Variants in TCF4 observed in about 807,000 individuals in gnomAD.
The protein encoded by TCF4 is transcription factor 4.
TCF4 carries 3 observed loss-of-function variants against 82.1 expected under a neutral mutation model. The observed-to-expected ratio is 0.04, with a 90% confidence interval of 0.02 to 0.09. TCF4 has a LOEUF of 0.09. Among genes scored for constraint, TCF4 ranks in the 10% least tolerant of loss-of-function variants. The pLI, the probability that TCF4 is intolerant of heterozygous loss-of-function variation, is 1.00. For synonymous variants in TCF4, 276 were observed against 309.6 expected (o/e 0.89, Z 1.14); for missense variants, 518 against 852.7 (o/e 0.61, Z 4.89).
chr18:55,309,622 C>A (rs961223131), intron 8 of TCF4, among the ~76,000 whole-genome samples: 1 of 152,202 alleles, frequency 6.6e-6, no homozygotes, highest in African/African-American at 2.4e-5. Context: ...ATTATTGCTA[C>A]AATATTTTCT....
At chr18:55,480,981 G>C (rs1179397655) in intron 3 of TCF4, among the ~76,000 whole-genome samples, 1 of 151,988 alleles carries the variant, frequency 6.6e-6, no homozygotes, top group Non-Finnish European at 1.5e-5. Flanking sequence ...GCAGGCACCT[G>C]TAATCCTAGC....
At chr18:55,285,062 G>C (rs191499419) in intron 8 of TCF4, among the ~76,000 whole-genome samples, 117 of 152,306 alleles carry the variant, frequency 7.7e-4, no homozygotes, top group Admixed American at 6.7e-3. Context: ...CCAGTGCAGT[G>C]ATACGTCCAT....
At chr18:55,491,955 AT>A in intron 3 of TCF4, among the ~76,000 whole-genome samples, 1 of 152,318 alleles carries the variant, frequency 6.6e-6, no homozygotes, top group Non-Finnish European at 1.5e-5. Flanking sequence ...GAATTTTGGA[AT>A]CATAGAAATT....
intron 3 of TCF4, among the ~76,000 whole-genome samples, chr18:55,475,101 T>A (rs750351665): frequency 6.6e-6 from 1 of 152,186 alleles, no homozygotes; most frequent in Non-Finnish European, 1.5e-5. Context: ...GGTACTTAGA[T>A]CCAATCCATA....
chr18:55,252,140 C>G (rs2055385687), intron 15 of TCF4, among the ~76,000 whole-genome samples: 1 of 152,018 alleles, frequency 6.6e-6, no homozygotes, highest in African/African-American at 2.4e-5. Context: ...CTGAGGAGCT[C>G]AGATTCTGGG....
At chr18:55,397,910 CT>C (rs1470775969) in intron 6 of TCF4, among the ~76,000 whole-genome samples, 2 of 152,118 alleles carry the variant, frequency 1.3e-5, no homozygotes, top group African/African-American at 4.8e-5. Flanking sequence ...ATACAAACAA[CT>C]GTTTAACCTA....
intron 8 of TCF4, among the ~76,000 whole-genome samples, chr18:55,331,270 C>T (rs1602990479): frequency 6.6e-6 from 1 of 152,140 alleles, no homozygotes; most frequent in East Asian, 1.9e-4. Flanking sequence ...ATCTGCAGCT[C>T]TCTGTGATCC....
chr18:55,507,226 C>A (rs558612552), intron 3 of TCF4, among the ~76,000 whole-genome samples: 14 of 152,240 alleles, frequency 9.2e-5, no homozygotes, highest in African/African-American at 3.4e-4. Context: ...TTTCTTTTGG[C>A]ATATCTGAAT....
chr18:55,539,026 G>A (rs1416418381), intron 3 of TCF4, among the ~76,000 whole-genome samples: 3 of 150,982 alleles, frequency 2.0e-5, no homozygotes, highest in East Asian at 3.9e-4. Context: ...TCTCACACAC[G>A]TGCGCGCACA....
chr18:55,310,720 A>G (rs1312652608), intron 8 of TCF4, among the ~76,000 whole-genome samples: 5 of 152,204 alleles, frequency 3.3e-5, no homozygotes, highest in Non-Finnish European at 7.4e-5. Flanking sequence ...ATAACAGACG[A>G]TATGATGTTA....
intron 2 of TCF4, among the ~76,000 whole-genome samples, chr18:55,628,360 T>A (rs1603625705): frequency 1.3e-5 from 2 of 152,282 alleles, no homozygotes; most frequent in South Asian, 4.1e-4. Flanking sequence ...CCAATGAAAA[T>A]CCTGCTGTTC....
chr18:55,583,805 C>T (rs1401954764), intron 3 of TCF4, among the ~76,000 whole-genome samples: 1 of 151,760 alleles, frequency 6.6e-6, no homozygotes, highest in Non-Finnish European at 1.5e-5. Flanking sequence ...ATTAATTTGC[C>T]CACAAAAGAT....
At chr18:55,436,263 T>G (rs928258830) in intron 5 of TCF4, among the ~76,000 whole-genome samples, 1 of 152,212 alleles carries the variant, frequency 6.6e-6, no homozygotes, top group Admixed American at 6.5e-5. Context: ...AAGAAATGGT[T>G]ATTAACATCC....
intron 5 of TCF4, among the ~76,000 whole-genome samples, chr18:55,434,144 C>T (rs937910272): frequency 3.9e-5 from 6 of 152,154 alleles, no homozygotes; most frequent in African/African-American, 1.4e-4. Flanking sequence ...TGCTCAACTA[C>T]ATTTCTCCTT....
At chr18:55,363,462 C>G (rs2086014175) in intron 6 of TCF4, among the ~76,000 whole-genome samples, 1 of 152,106 alleles carries the variant, frequency 6.6e-6, no homozygotes. Flanking sequence ...GACATTAGAG[C>G]TAGAAAAATT....
intron 5 of TCF4, among the ~76,000 whole-genome samples, chr18:55,409,075 T>C (rs2094225720): frequency 6.6e-6 from 1 of 152,078 alleles, no homozygotes; most frequent in Admixed American, 6.6e-5. Flanking sequence ...AGCAACTAAT[T>C]AACAAAAACA....
At chr18:55,488,725 T>C (rs1385913837) in intron 3 of TCF4, among the ~76,000 whole-genome samples, 1 of 152,216 alleles carries the variant, frequency 6.6e-6, no homozygotes, top group African/African-American at 2.4e-5. Context: ...GACACTCCCT[T>C]GGCTCCTGCA....
chr18:55,536,857 G>A (rs773335973), intron 3 of TCF4, among the ~76,000 whole-genome samples: 10 of 152,144 alleles, frequency 6.6e-5, no homozygotes, highest in Admixed American at 2.0e-4. Context: ...GTTTCTGGCC[G>A]GGTGTGGTGG....
chr18:55,291,466 T>C (rs1601600841), intron 8 of TCF4, among the ~76,000 whole-genome samples: 1 of 152,184 alleles, frequency 6.6e-6, no homozygotes, highest in Admixed American at 6.5e-5. Flanking sequence ...ATCACTGCCA[T>C]GGTACACTGT....
Sources: gnomAD v4.1 joint callset for allele counts (sites outside exome capture counted in the v4.1 genomes callset) on GRCh38, gnomAD v4.1.1 for gene constraint, MANE v1.5 for transcripts, NCBI Gene and HGNC (gene_info 2026-07-23, HGNC 2026-07-21) for gene names.